The following CAPZA2 variants were observed in gnomAD, a reference collection of about 807,000 sequenced individuals.
CAPZA2 encodes the protein F-actin-capping protein subunit alpha-2.
A neutral mutation model predicts 44.0 loss-of-function variants in CAPZA2; 13 were observed. The observed-to-expected ratio is 0.30, with a 90% CI of 0.19 to 0.47. The LOEUF (loss-of-function observed/expected upper bound fraction) is 0.47. Among genes scored for constraint, CAPZA2 ranks in the 20% least tolerant of loss-of-function variants. The pLI is 1.00. For synonymous variants in CAPZA2, 94 were observed against 108.2 expected (o/e 0.87, Z 0.81); for missense variants, 244 against 338.6 (o/e 0.72, Z 2.19).
intron 8 of CAPZA2, chr7:116,915,495 A>G (rs13222845): frequency 0.18 from 27,662 of 152,172 alleles, 2,991 homozygotes; most frequent in East Asian, 0.3. Context: ...TATATAAAGT[A>G]TAAGGTGTTA....
At chr7:116,881,917 A>G (rs1268447589) in intron 1 of CAPZA2, among the ~76,000 whole-genome samples, 2 of 151,946 alleles carry the variant, frequency 1.3e-5, no homozygotes, top group African/African-American at 2.4e-5. Context: ...TCTTTTGAAG[A>G]GTACAGACTG....
intron 4 of CAPZA2, 80 bp downstream of exon 4, chr7:116,898,915 G>T: frequency 1.3e-6 from 1 of 795,732 alleles, no homozygotes. Context: ...GTGGTATGCT[G>T]CAAGATAAAA....
intron 3 of CAPZA2, among the ~76,000 whole-genome samples, chr7:116,893,966 T>C (rs1310025465): frequency 1.3e-5 from 2 of 152,240 alleles, no homozygotes; most frequent in Admixed American, 6.5e-5. Flanking sequence ...CCGATTCTAC[T>C]ACTCATTTGA....
Position 116,898,840 on chromosome 7 carries a change from G to A in CAPZA2, c.219+5G>A, listed in dbSNP as rs1796958989. The stretch of plus-strand genomic sequence containing the variant: ...ATTGAAGGTTATGAAGATCAGGTAT[G>A]TTTCATATAAACACTATTCTTTGTT... On this transcript the variant is annotated splice_donor_5th_base_variant and intron_variant, in intron 4 of 9. Transcript: ENST00000361183. 6.5e-7 allele frequency: 1 copy of A among 1,536,416 alleles called. No individual in the cohort carries two copies. Among genetic ancestry groups the A allele is most frequent in the Non-Finnish European group, 9.0e-7 (1 of 1,113,758 alleles).
At chr7:116,902,739 T>C (rs1797012865) in intron 4 of CAPZA2, among the ~76,000 whole-genome samples, 2 of 152,254 alleles carry the variant, frequency 1.3e-5, no homozygotes, top group South Asian at 2.1e-4. Context: ...ATTTCACCTT[T>C]TTTGTTGTTG....
intron 3 of CAPZA2, among the ~76,000 whole-genome samples, chr7:116,896,746 A>T (rs1448484211): frequency 6.6e-6 from 1 of 152,154 alleles, no homozygotes; most frequent in Non-Finnish European, 1.5e-5. Context: ...TAGAATGCTT[A>T]GCTTATAGTA....
intron 1 of CAPZA2, among the ~76,000 whole-genome samples, chr7:116,884,569 T>C (rs2115910148): frequency 6.6e-6 from 1 of 152,348 alleles, no homozygotes; most frequent in East Asian, 1.9e-4. Flanking sequence ...GCTTTTGAGG[T>C]TCATTTCAGT....
chr7:116,870,590 T>C (rs991724358), intron 1 of CAPZA2, among the ~76,000 whole-genome samples: 5 of 152,180 alleles, frequency 3.3e-5, no homozygotes, highest in Non-Finnish European at 5.9e-5. Context: ...CCACATGATA[T>C]GCCACTACCA....
intron 6 of CAPZA2, among the ~76,000 whole-genome samples, chr7:116,908,895 T>C (rs1469450021): frequency 8.5e-5 from 13 of 152,174 alleles, no homozygotes; most frequent in Admixed American, 8.5e-4. Context: ...TATACATTGT[T>C]CTAATAATAA....
intron 2 of CAPZA2, among the ~76,000 whole-genome samples, chr7:116,889,907 T>C (rs114223624): frequency 1.1e-4 from 16 of 152,312 alleles, no homozygotes; most frequent in African/African-American, 3.8e-4. Context: ...TCGTGTAAGA[T>C]TTCACTTCTT....
rs1026999253 is a variant in CAPZA2 at position 116,920,307 on chromosome 7, G to T, written c.*2440G>T. On this transcript the variant is annotated 3_prime_UTR_variant, in exon 10 of 10. Transcript: ENST00000361183. ...AGTGAAAGAAGAATGGAAACCCAGA[G>T]TATCCTATAGCTCAGGGATGTAATT... 6.6e-6 allele frequency: 1 copy of T among 152,162 alleles called. No homozygotes were observed. The highest frequency in any genetic ancestry group is 6.6e-5 in the Admixed American group (1 of 15,264). 9.4% of individuals were successfully genotyped at this position (152,162 alleles called of 1,614,324 possible).
intron 2 of CAPZA2, among the ~76,000 whole-genome samples, chr7:116,889,434 A>G (rs1261270280): frequency 6.6e-6 from 1 of 152,038 alleles, no homozygotes; most frequent in Non-Finnish European, 1.5e-5. Context: ...TTAGTATAAG[A>G]TATAGGACTG....
intron 2 of CAPZA2, among the ~76,000 whole-genome samples, chr7:116,892,271 T>C (rs1166814413): frequency 2.0e-5 from 3 of 152,212 alleles, no homozygotes; most frequent in Admixed American, 6.5e-5. Flanking sequence ...ATTGTATTAT[T>C]TACTTTATAA....
At chr7:116,911,479 C>T (rs559261767) in intron 7 of CAPZA2, among the ~76,000 whole-genome samples, 4 of 152,302 alleles carry the variant, frequency 2.6e-5, no homozygotes, top group African/African-American at 9.6e-5. Context: ...CTCTCCCCAA[C>T]TTCACATACC....
At chr7:116,870,382 TA>T (rs1796537371) in intron 1 of CAPZA2, among the ~76,000 whole-genome samples, 2 of 152,214 alleles carry the variant, frequency 1.3e-5, no homozygotes, top group African/African-American at 4.8e-5. Flanking sequence ...GAGTTTTGTG[TA>T]AAAAGAATTC....
intron 1 of CAPZA2, chr7:116,880,042 CTGAT>C (rs746452434): frequency 6.5e-6 from 3 of 463,916 alleles, no homozygotes; most frequent in African/African-American, 2.0e-5. Context: ...TTCTCCCGCT[CTGAT>C]TGATTTTTTT....
chr7:116,894,730 C>G (rs1796902327), intron 3 of CAPZA2, among the ~76,000 whole-genome samples: 1 of 152,146 alleles, frequency 6.6e-6, no homozygotes. Flanking sequence ...CTAGGTACCT[C>G]TTATAAGTAG....
chr7:116,899,817 C>A (rs562463146), intron 4 of CAPZA2, among the ~76,000 whole-genome samples: 2 of 150,862 alleles, frequency 1.3e-5, no homozygotes, highest in South Asian at 4.2e-4. Flanking sequence ...CTTTATGAAC[C>A]TAGTGTAATT....
chr7:116,912,231 T>G, intron 8 of CAPZA2, 91 bp downstream of exon 8: 1 of 1,544,932 alleles, frequency 6.5e-7, no homozygotes, highest in Non-Finnish European at 8.7e-7. Flanking sequence ...ATATTTCTGC[T>G]TCAGATTACC....
Sources: gnomAD v4.1 joint callset for allele counts (sites outside exome capture counted in the v4.1 genomes callset) on GRCh38, gnomAD v4.1.1 for gene constraint, MANE v1.5 for transcripts, NCBI Gene and HGNC (gene_info 2026-07-23, HGNC 2026-07-21) for gene names.